The following LRRC4C variants were observed in gnomAD, a reference collection of about 807,000 sequenced individuals.
LRRC4C encodes leucine rich repeat containing 4C.
Under a neutral mutation model 33.6 loss-of-function variants are expected in LRRC4C, and 5 were observed. That is an observed-to-expected ratio of 0.15 (90% CI 0.08 to 0.31). LRRC4C has a LOEUF of 0.31. Ranked by LOEUF, LRRC4C falls within the 10% of genes least tolerant of loss-of-function variation. The probability of loss-of-function intolerance (pLI) is 1.00; values close to 1 mark genes in which losing one functional copy is unlikely to be tolerated. For synonymous variants in LRRC4C, 329 were observed against 302.0 expected (o/e 1.09, Z -0.93); for missense variants, 560 against 796.7 (o/e 0.70, Z 3.58).
chr11:40,980,908 T>G (rs914571975), intron 1 of LRRC4C, among the ~76,000 whole-genome samples: 4 of 152,326 alleles, frequency 2.6e-5, no homozygotes, highest in African/African-American at 9.6e-5. Flanking sequence ...AGAGCCTACG[T>G]AATAAACAGT....
intron 1 of LRRC4C, among the ~76,000 whole-genome samples, chr11:41,256,431 C>T (rs900415553): frequency 1.3e-5 from 2 of 151,918 alleles, no homozygotes; most frequent in African/African-American, 2.4e-5. Context: ...TGCATTGTTT[C>T]GTCAACCATT....
intron 3 of LRRC4C, among the ~76,000 whole-genome samples, chr11:40,630,474 A>C (rs1408914251): frequency 6.7e-6 from 1 of 149,808 alleles, no homozygotes; most frequent in African/African-American, 2.5e-5. Context: ...TCCACTAGCC[A>C]ATGAGCTTAC....
At chr11:41,144,548 C>T (rs1036746564) in intron 1 of LRRC4C, among the ~76,000 whole-genome samples, 2 of 151,680 alleles carry the variant, frequency 1.3e-5, no homozygotes, top group Non-Finnish European at 2.9e-5. Context: ...TTTCAACACA[C>T]ATATATATAT....
At chr11:41,300,554 T>C (rs1950257545) in intron 1 of LRRC4C, among the ~76,000 whole-genome samples, 2 of 152,192 alleles carry the variant, frequency 1.3e-5, no homozygotes, top group Admixed American at 6.5e-5. Flanking sequence ...TGTCAATCTT[T>C]ATGAACAATT....
At chr11:40,607,691 A>C (rs1960767542) in intron 3 of LRRC4C, among the ~76,000 whole-genome samples, 1 of 151,974 alleles carries the variant, frequency 6.6e-6, no homozygotes. Context: ...GTGTGATCCA[A>C]TTTTTCCAGT....
chr11:41,201,679 A>T (rs2136265596), intron 1 of LRRC4C, among the ~76,000 whole-genome samples: 1 of 152,320 alleles, frequency 6.6e-6, no homozygotes, highest in Admixed American at 6.5e-5. Flanking sequence ...TTGGTATTCT[A>T]AATAATATTT....
At chr11:40,820,940 CAAA>C (rs1488381631) in intron 2 of LRRC4C, among the ~76,000 whole-genome samples, 1 of 151,470 alleles carries the variant, frequency 6.6e-6, no homozygotes, top group Non-Finnish European at 1.5e-5. Flanking sequence ...CTGGAACAAA[CAAA>C]GAAGTAAAAT....
At chr11:40,188,613 G>T (rs1278122585) in intron 5 of LRRC4C, among the ~76,000 whole-genome samples, 1 of 152,128 alleles carries the variant, frequency 6.6e-6, no homozygotes, top group African/African-American at 2.4e-5. Flanking sequence ...AGCAGGGTTT[G>T]CTCTGTTCAA....
At chr11:40,957,124 T>G (rs1473759023) in intron 1 of LRRC4C, among the ~76,000 whole-genome samples, 1 of 151,804 alleles carries the variant, frequency 6.6e-6, no homozygotes, top group Non-Finnish European at 1.5e-5. Flanking sequence ...TTCTGACACT[T>G]GACATTTTTG....
intron 1 of LRRC4C, among the ~76,000 whole-genome samples, chr11:41,355,449 T>C (rs1164037235): frequency 3.9e-5 from 6 of 152,112 alleles, no homozygotes; most frequent in Admixed American, 3.9e-4. Context: ...CTATACAATT[T>C]AAACATATTT....
chr11:41,217,288 T>C (rs1322589165), intron 1 of LRRC4C, among the ~76,000 whole-genome samples: 2 of 152,214 alleles, frequency 1.3e-5, no homozygotes, highest in East Asian at 3.8e-4. Flanking sequence ...TGGTAACTAT[T>C]GTCAAATCAA....
chr11:40,584,689 T>C (rs537584705), intron 3 of LRRC4C, among the ~76,000 whole-genome samples: 3 of 152,040 alleles, frequency 2.0e-5, no homozygotes, highest in South Asian at 4.2e-4. Context: ...CCCAGAACTT[T>C]TGGAGGCCGA....
chr11:41,423,994 C>T (rs925774978), intron 1 of LRRC4C: 2 of 152,118 alleles, frequency 1.3e-5, no homozygotes, highest in African/African-American at 4.8e-5. Flanking sequence ...GTCCAAAAAC[C>T]CTCTTTCTTT....
chr11:40,480,333 A>G (rs924951381), intron 3 of LRRC4C, among the ~76,000 whole-genome samples: 3 of 151,344 alleles, frequency 2.0e-5, no homozygotes, highest in Non-Finnish European at 2.9e-5. Context: ...CTCCTCTCCC[A>G]TCTATGAATT....
intron 1 of LRRC4C, among the ~76,000 whole-genome samples, chr11:41,405,325 C>T (rs1367273763): frequency 6.6e-6 from 1 of 151,936 alleles, no homozygotes; most frequent in Non-Finnish European, 1.5e-5. Flanking sequence ...ATAAGTATTC[C>T]CATCCAATTT....
At chr11:40,165,685 C>T (rs926400206) in intron 5 of LRRC4C, among the ~76,000 whole-genome samples, 1 of 152,194 alleles carries the variant, frequency 6.6e-6, no homozygotes, top group African/African-American at 2.4e-5. Context: ...GTGGCTCACG[C>T]CTGTAATCCC....
intron 1 of LRRC4C, among the ~76,000 whole-genome samples, chr11:41,252,659 G>A (rs1178598482): frequency 6.6e-6 from 1 of 152,080 alleles, no homozygotes. Flanking sequence ...AAGTGCCTTA[G>A]TCTGCTCTCA....
intron 3 of LRRC4C, among the ~76,000 whole-genome samples, chr11:40,536,499 G>A (rs1056159906): frequency 2.2e-4 from 34 of 152,088 alleles, no homozygotes; most frequent in Non-Finnish European, 4.4e-5. Context: ...GCCCCAAACA[G>A]TCTGTTTTAA....
chr11:40,666,874 C>T (rs1372723070), intron 2 of LRRC4C, among the ~76,000 whole-genome samples: 1 of 152,098 alleles, frequency 6.6e-6, no homozygotes, highest in African/African-American at 2.4e-5. Context: ...ACAACTTCCT[C>T]CTGAGGTCCC....
Sources: gnomAD v4.1 joint callset for allele counts (sites outside exome capture counted in the v4.1 genomes callset) on GRCh38, gnomAD v4.1.1 for gene constraint, MANE v1.5 for transcripts, NCBI Gene and HGNC (gene_info 2026-07-23, HGNC 2026-07-21) for gene names.